Variants in IQGAP2 observed in about 807,000 individuals in gnomAD.
IQGAP2 encodes ras GTPase-activating-like protein IQGAP2.
IQGAP2 carries 173 observed loss-of-function variants against 201.3 expected under a neutral mutation model. The ratio of observed to expected loss-of-function variants is 0.86; its 90% confidence interval spans 0.76 to 0.98. The LOEUF is 0.98. Ranked by LOEUF, IQGAP2 falls within the 50% of genes least tolerant of loss-of-function variation. The pLI is 0.00. For missense variants in IQGAP2, 1,687 were observed against 1,864.8 expected, an observed-to-expected ratio of 0.90 and a Z score of 1.76; for synonymous variants, 675 against 673.9, an observed-to-expected ratio of 1.00 and a Z score of -0.03.
chr5:76,627,637 A>G lies in IQGAP2; in HGVS notation c.1612+137A>G, dbSNP rs189518595. 38 of 593,712 alleles carry G rather than the reference A, an allele frequency of 6.4e-5. No homozygotes were observed. The East Asian group carries it at 7.5e-4, about 12-fold the overall frequency. 36.8% of individuals were successfully genotyped at this position (593,712 alleles called of 1,614,324 possible). ...TTCTTGGACACATAATTATACCGAA[A>G]TTAGTTGGTTGCCCTATTGTCAGTG... On this transcript the variant is annotated intron_variant, in intron 14 of 35. Transcript: ENST00000274364.
chr5:76,695,522 G>A lies in IQGAP2; in HGVS notation c.4062G>A (p.Lys1354=), dbSNP rs1746644338. 1.2e-6 allele frequency: 2 copies of A among 1,614,012 alleles called. No individual in the cohort carries two copies. Among genetic ancestry groups the A allele is most frequent in the Admixed American group, 1.7e-5 (1 of 59,998 alleles). ...ATTCCAGGACTCCAGAAGAAATGAAGCATAGCCAATCTATGATTGAAGATG... is the reference window on the plus strand; with the variant it reads ...ATTCCAGGACTCCAGAAGAAATGAAACATAGCCAATCTATGATTGAAGATG... ...MIDSRTPEEM[K]HSQSMIEDAQ... is the part of the protein sequence containing the mutation. The change falls in exon 32 of 36, where the codon AAG becomes AAA. Residue 1354 remains lysine (K), a synonymous_variant. Coordinates refer to ENST00000274364, the MANE Select transcript of IQGAP2 (RefSeq NM_006633.5).
chr5:76,668,148 G>A (rs1049296208), intron 22 of IQGAP2, among the ~76,000 whole-genome samples: 5 of 152,014 alleles, frequency 3.3e-5, no homozygotes, highest in South Asian at 2.1e-4. Context: ...CTCCCAAAGC[G>A]CTGGAATTAT....
chr5:76,406,719 G>A (rs1750814991), intron 1 of IQGAP2, among the ~76,000 whole-genome samples: 1 of 152,234 alleles, frequency 6.6e-6, no homozygotes, highest in Non-Finnish European at 1.5e-5. Context: ...CAAAAGAGGG[G>A]TTTGTGACTA....
At chr5:76,569,247 T>C (rs1381647081) in intron 3 of IQGAP2, among the ~76,000 whole-genome samples, 1 of 152,224 alleles carries the variant, frequency 6.6e-6, no homozygotes, top group Non-Finnish European at 1.5e-5. Context: ...GTCAGTCAGT[T>C]GACAACTACT....
intron 1 of IQGAP2, among the ~76,000 whole-genome samples, chr5:76,438,082 A>C (rs1752823189): frequency 7.3e-6 from 1 of 136,102 alleles, no homozygotes; most frequent in African/African-American, 2.7e-5. Flanking sequence ...CTTTGGTATC[A>C]GGGTGATACT....
intron 9 of IQGAP2, 42 bp from the exon 10 acceptor site, chr5:76,597,397 A>C (rs545727795): frequency 1.2e-6 from 2 of 1,606,764 alleles, no homozygotes. Context: ...ACTGCAGTGG[A>C]AAGAGCAACC....
intron 2 of IQGAP2, among the ~76,000 whole-genome samples, chr5:76,525,357 T>C (rs1212288409): frequency 6.6e-6 from 1 of 152,228 alleles, no homozygotes; most frequent in Non-Finnish European, 1.5e-5. Context: ...TTGCCCATCA[T>C]ACTTAAAGCT....
intron 2 of IQGAP2, among the ~76,000 whole-genome samples, chr5:76,505,105 T>C (rs1757536361): frequency 6.6e-6 from 1 of 152,210 alleles, no homozygotes; most frequent in Admixed American, 6.5e-5. Context: ...GTGGCCTGTA[T>C]GGCACCCTCA....
At chr5:76,503,174 C>CTTTT (rs11297908) in intron 2 of IQGAP2, among the ~76,000 whole-genome samples, 61 of 109,236 alleles carry the variant, frequency 5.6e-4, no homozygotes, top group Non-Finnish European at 6.8e-4. Flanking sequence ...CTTTTCTTTT[C>CTTTT]TTTTTTTTTT....
At chr5:76,503,296 C>T (rs1430357815) in intron 2 of IQGAP2, among the ~76,000 whole-genome samples, 3 of 151,208 alleles carry the variant, frequency 2.0e-5, no homozygotes, top group East Asian at 1.9e-4. Context: ...GCCTCAGCCT[C>T]CTGAGTAGCT....
intron 2 of IQGAP2, among the ~76,000 whole-genome samples, chr5:76,493,141 C>A (rs781113310): frequency 7.2e-5 from 11 of 152,134 alleles, no homozygotes; most frequent in Admixed American, 1.3e-4. Flanking sequence ...TTGCTCTGTT[C>A]TCAACATGGC....
chr5:76,651,992 CCTTT>C (rs56223151), intron 17 of IQGAP2, among the ~76,000 whole-genome samples: 75,060 of 151,322 alleles, frequency 0.5, 18,989 homozygotes, highest in Non-Finnish European at 0.56. Context: ...ACTTTTACTT[CCTTT>C]CTAATTTGAA....
intron 14 of IQGAP2, among the ~76,000 whole-genome samples, chr5:76,628,166 A>G (rs181515936): frequency 3.4e-4 from 52 of 152,276 alleles, no homozygotes; most frequent in African/African-American, 1.2e-3. Flanking sequence ...CCCTCCCCCA[A>G]AGGGACCTAT....
rs546143963 is a variant in IQGAP2, at chr5:76,511,391, G to A, written c.146+49722G>A. Among the ~76,000 whole-genome samples, 5 of 152,302 alleles carry A rather than the reference G, an allele frequency of 3.3e-5. No individual in the cohort carries two copies. In the East Asian group the frequency reaches 5.8e-4, roughly 18 times the overall value. ...TGGGGGAAGAAGAAGGGCCAAGCTCGCTGGACCTGTCAACTTCTATCAAAA... is the reference window on the plus strand; with the variant it reads ...TGGGGGAAGAAGAAGGGCCAAGCTCACTGGACCTGTCAACTTCTATCAAAA... On this transcript the variant is annotated intron_variant, in intron 2 of 35. Coordinates refer to ENST00000274364, the MANE Select transcript of IQGAP2 (RefSeq NM_006633.5).
chr5:76,489,863 C>A (rs1369422418), intron 2 of IQGAP2, among the ~76,000 whole-genome samples: 2 of 152,178 alleles, frequency 1.3e-5, no homozygotes, highest in Non-Finnish European at 2.9e-5. Context: ...TCTCATTTCC[C>A]TTTTCACCTC....
intron 13 of IQGAP2, among the ~76,000 whole-genome samples, chr5:76,614,605 CTTTTTTTTTTTTTTTTTTT>C (rs10603126): frequency 2.0e-4 from 12 of 59,612 alleles, no homozygotes; most frequent in Middle Eastern, 0.031. Flanking sequence ...TTCCCCTCTG[CTTTTTTTTTTTTTTTTTTT>C]TTTTTTTTGG....
rs1454630092 is a variant in IQGAP2, at chr5:76,697,916, C to T, written c.4207-71C>T. ...CGACTTACTACTGCTTGATATTCTT[C>T]TTGTCCCAAACTGGCAATATCATAA... On this transcript the variant is annotated intron_variant, in intron 32 of 35. Coordinates refer to ENST00000274364, the MANE Select transcript of IQGAP2 (RefSeq NM_006633.5). 11 of 1,203,810 alleles carry T rather than the reference C, an allele frequency of 9.1e-6. No homozygotes were observed. The Admixed American group carries it at 2.4e-4, about 26-fold the overall frequency. The allele number at this position is 1,203,810 out of a possible 1,614,324, so 74.6% of individuals were successfully genotyped here.
intron 28 of IQGAP2, among the ~76,000 whole-genome samples, chr5:76,680,140 G>C (rs1330412566): frequency 1.3e-5 from 2 of 152,218 alleles, no homozygotes; most frequent in Non-Finnish European, 2.9e-5. Context: ...GCTGGCATAA[G>C]GTTAGACATA....
At position 76,426,107 on chromosome 5, in the gene IQGAP2, C is replaced by T. The variant is rs147740324; in HGVS notation, c.46+22516C>T. On this transcript the variant is annotated intron_variant, in intron 1 of 35. Transcript: ENST00000274364. Reference sequence around the variant, plus strand: ...TTTCAGTGAGCAGAATTGCGGTCAGCTGGCACATCACCAGCAAGGGCCAAA... The same window carrying T: ...TTTCAGTGAGCAGAATTGCGGTCAGTTGGCACATCACCAGCAAGGGCCAAA... 1.1e-4 allele frequency among the ~76,000 whole-genome samples: 16 copies of T among 152,316 alleles called. No individual in the cohort carries two copies. In the East Asian group the frequency reaches 2.9e-3, roughly 28 times the overall value.
Sources: gnomAD v4.1 joint callset for allele counts (sites outside exome capture counted in the v4.1 genomes callset) on GRCh38, gnomAD v4.1.1 for gene constraint, MANE v1.5 for transcripts, NCBI Gene and HGNC (gene_info 2026-07-23, HGNC 2026-07-21) for gene names.